The following MAPK4 variants were observed in gnomAD, a reference collection of about 807,000 sequenced individuals.
MAPK4 encodes the protein mitogen-activated protein kinase 4, also known as Erk3-related.
In MAPK4, 22 loss-of-function variants were observed where a neutral mutation model predicts 47.7. The ratio of observed to expected loss-of-function variants is 0.46; its 90% CI spans 0.33 to 0.66. MAPK4 has a LOEUF of 0.66. MAPK4 is among the 30% of genes least tolerant of loss of function. MAPK4 has a pLI of 0.02. For synonymous variants in MAPK4, 390 were observed against 365.7 expected, an observed-to-expected ratio of 1.07 and a Z score of -0.76; for missense variants, 736 against 831.7, an observed-to-expected ratio of 0.88 and a Z score of 1.42.
At chr18:50,674,809 A>G (rs1340806080) in intron 2 of MAPK4, among the ~76,000 whole-genome samples, 2 of 152,130 alleles carry the variant, frequency 1.3e-5, no homozygotes, top group East Asian at 3.9e-4. Context: ...TTTCATTTCT[A>G]TATTCCTGGC....
chr18:50,626,457 G>A (rs1015067329), intron 1 of MAPK4, among the ~76,000 whole-genome samples: 1 of 152,118 alleles, frequency 6.6e-6, no homozygotes, highest in East Asian at 1.9e-4. Context: ...CAGCGTGGAC[G>A]GGGAGTCTGT....
At chr18:50,578,837 C>T (rs949710505) in intron 1 of MAPK4, among the ~76,000 whole-genome samples, 1 of 152,050 alleles carries the variant, frequency 6.6e-6, no homozygotes, top group Admixed American at 6.6e-5. Flanking sequence ...CAAACATGGG[C>T]AGGAGGGAGT....
chr18:50,726,276 A>G (rs994765660), intron 5 of MAPK4, 101 bp downstream of exon 5: 9 of 1,150,388 alleles, frequency 7.8e-6, no homozygotes, highest in Non-Finnish European at 5.0e-6. Context: ...CCCAAGTTGC[A>G]TAGCTCATTG....
intron 2 of MAPK4, among the ~76,000 whole-genome samples, chr18:50,671,036 T>C (rs1907919208): frequency 6.6e-6 from 1 of 152,246 alleles, no homozygotes; most frequent in Non-Finnish European, 1.5e-5. Flanking sequence ...CGCTTGGAGC[T>C]GTGGCTCTCA....
chr18:50,649,333 A>G (rs1212114221), intron 1 of MAPK4, among the ~76,000 whole-genome samples: 1 of 152,228 alleles, frequency 6.6e-6, no homozygotes, highest in African/African-American at 2.4e-5. Flanking sequence ...TCACTCCTTG[A>G]AAAAAGAAAA....
chr18:50,710,112 C>G (rs1366412658), intron 2 of MAPK4, among the ~76,000 whole-genome samples: 9 of 152,126 alleles, frequency 5.9e-5, no homozygotes, highest in African/African-American at 1.9e-4. Flanking sequence ...GCAACCCTTC[C>G]CACCCTGTCC....
intron 1 of MAPK4, among the ~76,000 whole-genome samples, chr18:50,564,081 G>A (rs143511464): frequency 7.6e-4 from 115 of 152,300 alleles, no homozygotes; most frequent in East Asian, 2.1e-3. Flanking sequence ...GGTCCTTGCA[G>A]TCCCATGATT....
At chr18:50,685,324 C>G (rs1908811738) in intron 2 of MAPK4, among the ~76,000 whole-genome samples, 1 of 152,236 alleles carries the variant, frequency 6.6e-6, no homozygotes, top group Non-Finnish European at 1.5e-5. Context: ...AGCAAGTTGC[C>G]AAGCCCGGTG....
At chr18:50,720,574 C>T (rs973635611) in intron 3 of MAPK4, among the ~76,000 whole-genome samples, 1 of 152,034 alleles carries the variant, frequency 6.6e-6, no homozygotes, top group African/African-American at 2.4e-5. Context: ...GCCCCCACCC[C>T]CGCTGTGGTT....
At chr18:50,690,962 G>A (rs1053334666) in intron 2 of MAPK4, among the ~76,000 whole-genome samples, 6 of 152,020 alleles carry the variant, frequency 3.9e-5, no homozygotes, top group African/African-American at 1.4e-4. Flanking sequence ...TTAACTGGGG[G>A]CACAAAGGAA....
chr18:50,704,720 T>C (rs1909962390), intron 2 of MAPK4: 1 of 398,672 alleles, frequency 2.5e-6, no homozygotes, highest in African/African-American at 2.1e-5. Flanking sequence ...GGAGGCCTAA[T>C]GGAGGACTCT....
At chr18:50,680,125 C>T (rs549013448) in intron 2 of MAPK4, among the ~76,000 whole-genome samples, 2 of 100,552 alleles carry the variant, frequency 2.0e-5, no homozygotes, top group Non-Finnish European at 3.5e-5. Context: ...GAGTTTCGCT[C>T]TTGTCGTCCA....
At chr18:50,705,542 G>A (rs1485043713) in intron 2 of MAPK4, 1 of 152,202 alleles carries the variant, frequency 6.6e-6, no homozygotes, top group South Asian at 2.1e-4. Flanking sequence ...CCCTTGTACA[G>A]AGTGGATGTC....
chr18:50,572,591 A>C (rs1230463154), intron 1 of MAPK4, among the ~76,000 whole-genome samples: 1 of 151,754 alleles, frequency 6.6e-6, no homozygotes, highest in Non-Finnish European at 1.5e-5. Context: ...GATTCTCATA[A>C]GATTCTCAAT....
chr18:50,592,786 C>T (rs2042448923), intron 1 of MAPK4, among the ~76,000 whole-genome samples: 1 of 152,272 alleles, frequency 6.6e-6, no homozygotes, highest in East Asian at 1.9e-4. Context: ...AAAAAAGGAA[C>T]CTTAGGGGCT....
In MAPK4 at chr18:50,609,241, C is replaced by A. The variant is rs540890946; in HGVS notation, c.-871+48998C>A. On this transcript the variant is annotated intron_variant, in intron 1 of 5. Transcript: ENST00000400384. ...TCTCAATGAGCTGTTGGGTACACCT[C>A]CCACACGGGGTGGCGGCCGGGCAGA... Among the ~76,000 whole-genome samples, 676 of 151,920 alleles carry A rather than the reference C, an allele frequency of 4.4e-3. 1 individual carries two copies. The highest frequency in any genetic ancestry group is 0.016 in the African/African-American group (658 of 41,532).
At chr18:50,575,505 T>C (rs983734564) in intron 1 of MAPK4, among the ~76,000 whole-genome samples, 2 of 152,160 alleles carry the variant, frequency 1.3e-5, no homozygotes, top group Non-Finnish European at 2.9e-5. Context: ...TTTTATTTTT[T>C]TCTGAAGTCA....
At chr18:50,598,035 A>G (rs2042499764) in intron 1 of MAPK4, among the ~76,000 whole-genome samples, 1 of 152,228 alleles carries the variant, frequency 6.6e-6, no homozygotes, top group Non-Finnish European at 1.5e-5. Context: ...GTGTTTAAAA[A>G]TTCACTCTCA....
chr18:50,655,374 T>TG (rs1337509257), intron 1 of MAPK4, among the ~76,000 whole-genome samples: 1 of 152,110 alleles, frequency 6.6e-6, no homozygotes, highest in African/African-American at 2.4e-5. Context: ...TCCCAGGTCC[T>TG]GGGCTGGGAG....
Sources: allele counts gnomAD v4.1 joint callset (sites outside exome capture counted in the v4.1 genomes callset), GRCh38; gene constraint gnomAD v4.1.1; transcripts MANE v1.5; gene names NCBI Gene and HGNC (gene_info 2026-07-23, HGNC 2026-07-21).